DNAH10: variants seen among roughly 807,000 people sequenced by gnomAD.
The protein encoded by DNAH10 is axonemal beta dynein heavy chain 10.
A neutral mutation model predicts 506.6 loss-of-function variants in DNAH10; 348 were observed. That is an observed-to-expected ratio of 0.69 (90% CI 0.63 to 0.75). The LOEUF (loss-of-function observed/expected upper bound fraction) is 0.75. Among genes scored for constraint, DNAH10 ranks in the 30% least tolerant of loss-of-function variants. The pLI is 0.00. For synonymous variants in DNAH10, 2,059 were observed against 2,198.6 expected, an observed-to-expected ratio of 0.94 and a Z score of 1.78; for missense variants, 5,179 against 5,787.1, an observed-to-expected ratio of 0.89 and a Z score of 3.41.
chr12:123,931,773 G>A lies in DNAH10; in HGVS notation c.13054G>A (p.Val4352Met), dbSNP rs1379513520. Residue 4352 changes from valine to methionine, a missense_variant, in exon 75 of 79, where the codon GTG becomes ATG. Physicochemically the swap from Val to Met is conservative, Grantham distance 21. Around this residue, in one of 3 missense-constraint regions of DNAH10, gnomAD observed 4,844 missense variants for 5,430.5 expected, o/e 0.89. Transcript: ENST00000673944. ...LGTGLSPTSVVLLQELERFNK... is the reference protein window; with the variant it reads ...LGTGLSPTSVMLLQELERFNK... ...AACAGGACTCTCCCCCACTTCGGTG[G>A]TGCTCCTGCAGGAACTGGAACGCTT... 6.2e-7 allele frequency: 1 copy of A among 1,614,040 alleles called. No homozygotes were observed.
At position 123,918,910 on chromosome 12, in the gene DNAH10, G is replaced by A. The variant is rs750844427; in HGVS notation, c.11467G>A (p.Asp3823Asn). ...CATGAAACGCCTGAGGAACATCATG[G>A]ACACGCTGACCTTCAGCATCTATAA... is the stretch of plus-strand genomic sequence containing the variant. The part of the protein sequence containing the change: ...ILMKRLRNIM[D>N]TLTFSIYNHG... Residue 3823 changes from aspartate to asparagine, a missense_variant, in exon 65 of 79, where the codon GAC becomes AAC. Asp to Asn is a conservative substitution (Grantham distance 23). Around this residue, in one of 3 missense-constraint regions of DNAH10, gnomAD observed 4,844 missense variants for 5,430.5 expected, o/e 0.89. Transcript: ENST00000673944. The A allele has an allele frequency of 6.2e-7, 1 of 1,613,704 alleles. No homozygotes were observed. The highest frequency in any genetic ancestry group is 8.5e-7 in the Non-Finnish European group (1 of 1,179,800).
At chr12:123,781,403 G>A (rs1957644154) in intron 6 of DNAH10, 104 bp downstream of exon 6, 7 of 1,140,860 alleles carry the variant, frequency 6.1e-6, no homozygotes, top group Non-Finnish European at 7.5e-6. Flanking sequence ...GAACATTTTT[G>A]TTTGTTTGTT....
rs1167607842 is a variant in DNAH10 at position 123,846,474 on chromosome 12, T to C, written c.5814+320T>C. Among the ~76,000 whole-genome samples, 1 of 152,170 alleles carries C rather than the reference T, an allele frequency of 6.6e-6. No homozygotes were observed. The highest frequency in any genetic ancestry group is 1.9e-4 in the East Asian group (1 of 5,188). On this transcript the variant is annotated intron_variant, in intron 32 of 78. Coordinates refer to ENST00000673944, the MANE Select transcript of DNAH10 (RefSeq NM_001372106.1). This position sits in a 1 kb window ranked among gnomAD's most constrained non-coding sequence, Gnocchi z 4.5. Reference sequence around the variant, plus strand: ...GTGTGATGTGGTTTTGCACGTCTTGTGACAGCTTTTATTCCAGAATATATC... The same window carrying C: ...GTGTGATGTGGTTTTGCACGTCTTGCGACAGCTTTTATTCCAGAATATATC...
intron 50 of DNAH10, among the ~76,000 whole-genome samples, 154 bp from the exon 51 acceptor site, chr12:123,881,471 A>G (rs145483856): frequency 0.013 from 1,940 of 152,204 alleles, 19 homozygotes; most frequent in Admixed American, 0.022. Flanking sequence ...GTCTGTTCGT[A>G]TCCTTCGCCC....
In DNAH10 at chr12:123,878,007, G is replaced by A. The variant is rs1952336371; in HGVS notation, c.8372+99G>A. ...TTATCAGTGGATTTGATGAATCGTT[G>A]TATGAATTAATTACCCAATGTCTTT... On this transcript the variant is annotated intron_variant, in intron 48 of 78. Transcript: ENST00000673944. The A allele has an allele frequency of 2.9e-6, 4 of 1,401,362 alleles. No homozygotes were observed. The African/African-American group carries it at 4.3e-5, about 15-fold the overall frequency. The allele number at this position is 1,401,362 out of a possible 1,614,324, so 86.8% of individuals were successfully genotyped here.
At chr12:123,814,724 C>T (rs1455320595) in intron 21 of DNAH10, among the ~76,000 whole-genome samples, 1 of 151,350 alleles carries the variant, frequency 6.6e-6, no homozygotes, top group Non-Finnish European at 1.5e-5. Flanking sequence ...ACGCCATTCT[C>T]CTGCCTCAGC....
In DNAH10 at chr12:123,904,421, A is replaced by G. The variant is rs532749805; in HGVS notation, c.9815+1308A>G. 3.9e-5 allele frequency among the ~76,000 whole-genome samples: 6 copies of G among 152,302 alleles called. No individual in the cohort carries two copies. In the East Asian group the frequency reaches 7.7e-4, roughly 20 times the overall value. ...GGGCCACTGCTCCCAGGTCAGCAGC[A>G]TAAAAACATCGTGAAAGCAGAGACT... On this transcript the variant is annotated intron_variant, in intron 57 of 78. Coordinates refer to ENST00000673944, the MANE Select transcript of DNAH10 (RefSeq NM_001372106.1).
intron 16 of DNAH10, 89 bp from the exon 17 acceptor site, chr12:123,803,572 T>A (rs113574689): frequency 1.6e-6 from 2 of 1,276,212 alleles, no homozygotes. Context: ...TGCAAAGGGA[T>A]GCCAGTATTA....
In DNAH10 at chr12:123,896,144, C is replaced by G. The variant is rs867776307; in HGVS notation, c.9280+1421C>G. On this transcript the variant is annotated intron_variant, in intron 54 of 78. Coordinates refer to ENST00000673944, the MANE Select transcript of DNAH10 (RefSeq NM_001372106.1). The stretch of plus-strand genomic sequence containing the variant: ...ACACACACACACACACACACACACA[C>G]ACACAGAGAGAGAGAGAGAGAGAGA... Among the ~76,000 whole-genome samples, 713 of 110,344 alleles carry G rather than the reference C, an allele frequency of 6.5e-3. 5 individuals carry two copies. The highest frequency in any genetic ancestry group is 0.033 in the African/African-American group (660 of 20,230). The allele number at this position is 110,344 out of a possible 152,430, so 72.4% of individuals were successfully genotyped here.
rs1232802772 is a variant in DNAH10, at chr12:123,903,313, C to T, written c.9815+200C>T. ...GGCCCAGGGAGATGAGGTGGGCGCC[C>T]CAGGCATCCAGATCCCCCAGCTAGT... is the stretch of plus-strand genomic sequence containing the variant. On this transcript the variant is annotated intron_variant, in intron 57 of 78. Coordinates refer to ENST00000673944, the MANE Select transcript of DNAH10 (RefSeq NM_001372106.1). The surrounding 1 kb of genome is among the most constrained non-coding windows in gnomAD (Gnocchi z 4.6). 6.6e-6 allele frequency among the ~76,000 whole-genome samples: 1 copy of T among 152,100 alleles called. No individual in the cohort carries two copies. Among genetic ancestry groups the T allele is most frequent in the Non-Finnish European group, 1.5e-5 (1 of 68,024 alleles).
At chr12:123,827,365 T>C (rs1315112281) in intron 25 of DNAH10, among the ~76,000 whole-genome samples, 2 of 152,256 alleles carry the variant, frequency 1.3e-5, no homozygotes, top group African/African-American at 4.8e-5. Flanking sequence ...ATTCATGAGA[T>C]ATTTTACATT....
At position 123,924,932 on chromosome 12, in the gene DNAH10, A is replaced by G. The variant is rs917811011; in HGVS notation, c.11767-118A>G. ...TGACAGATCTGACCAGGTGGCCTTCAGTTAGTACACCTATGGATTCTCGTC... is the reference window on the plus strand; with the variant it reads ...TGACAGATCTGACCAGGTGGCCTTCGGTTAGTACACCTATGGATTCTCGTC... On this transcript the variant is annotated intron_variant, in intron 67 of 78. Coordinates refer to ENST00000673944, the MANE Select transcript of DNAH10 (RefSeq NM_001372106.1). 3.7e-6 allele frequency: 5 copies of G among 1,363,734 alleles called. No individual in the cohort carries two copies. The African/African-American group carries it at 7.3e-5, about 20-fold the overall frequency. 84.5% of individuals were successfully genotyped at this position (1,363,734 alleles called of 1,614,324 possible).
intron 13 of DNAH10, among the ~76,000 whole-genome samples, chr12:123,797,106 C>T (rs1958307087): frequency 6.6e-6 from 1 of 152,164 alleles, no homozygotes; most frequent in Admixed American, 6.5e-5. Context: ...TTCCTGACCT[C>T]GTGATCTGCC....
At chr12:123,873,776 G>T in intron 46 of DNAH10, 66 bp downstream of exon 46, 2 of 1,509,776 alleles carry the variant, frequency 1.3e-6, no homozygotes, top group African/African-American at 2.8e-5. Context: ...ATGGGTGTGT[G>T]TGTGTGTTAG....
Position 123,845,090 on chromosome 12 carries a change from G to A in DNAH10, c.5361-510G>A, listed in dbSNP as rs529598735. ...ACAGTGCACAATTGTAGTTGGCTGC[G>A]GCCTCCAACTCCTGGGCTCCAGCGC... is the stretch of plus-strand genomic sequence containing the variant. On this transcript the variant is annotated intron_variant, in intron 30 of 78. Transcript: ENST00000673944. 3.6e-3 allele frequency among the ~76,000 whole-genome samples: 544 copies of A among 152,206 alleles called. 6 individuals carry two copies. Among genetic ancestry groups the A allele is most frequent in the African/African-American group, 0.012 (501 of 41,520 alleles).
chr12:123,805,472 C>T (rs1353070250), intron 18 of DNAH10, among the ~76,000 whole-genome samples: 1 of 152,322 alleles, frequency 6.6e-6, no homozygotes, highest in East Asian at 1.9e-4. Flanking sequence ...GCCTCTGACA[C>T]GCCAGACTCT....
chr12:123,896,148 C>CATAG (rs1383690518), intron 54 of DNAH10, among the ~76,000 whole-genome samples: 40 of 95,322 alleles, frequency 4.2e-4, no homozygotes, highest in Middle Eastern at 5.4e-3. Context: ...CACACACACA[C>CATAG]AGAGAGAGAG....
Position 123,873,709 on chromosome 12 carries a change from G to A in DNAH10, c.7937G>A (p.Arg2646Lys). Residue 2646 changes from arginine (R) to lysine (K), a missense_variant and splice_region_variant, in exon 46 of 79, where the codon AGG (arginine) becomes AAG (lysine). Transcript: ENST00000673944. ...LVFMDDMNMP[R>K]VDEYGTQQPI... The stretch of plus-strand genomic sequence containing the variant: ...TTCATGGATGACATGAATATGCCAA[G>A]GGTAGTTTGACGCTCAAGCAGGTGG... 1 of 1,606,264 alleles carries A rather than the reference G, an allele frequency of 6.2e-7. No individual in the cohort carries two copies. The highest frequency in any genetic ancestry group is 8.5e-7 in the Non-Finnish European group (1 of 1,176,218).
rs1406184419 is a variant in DNAH10 at position 123,793,913 on chromosome 12, T to C, written c.1816-29T>C. ...TTTTGGCAGGATAATTACAGGGGCA[T>C]GAGGGTTGTTTTGTTGATTTTTTTG... is the stretch of plus-strand genomic sequence containing the variant. On this transcript the variant is annotated intron_variant, in intron 11 of 78. Transcript: ENST00000673944. 4 of 1,179,680 alleles carry C rather than the reference T, an allele frequency of 3.4e-6. No individual in the cohort carries two copies. In the Admixed American group the frequency reaches 9.2e-5, roughly 27 times the overall value. 73.1% of individuals were successfully genotyped at this position (1,179,680 alleles called of 1,614,324 possible). A position where few individuals can be genotyped will look rare whatever the true frequency, so the allele number is the denominator to read the frequency against.
Sources: allele counts gnomAD v4.1 joint callset (sites outside exome capture counted in the v4.1 genomes callset), GRCh38; gene constraint gnomAD v4.1.1; regional missense constraint gnomAD v4.1.1; non-coding constraint Gnocchi (gnomAD v3.1); transcripts MANE v1.5; gene names NCBI Gene and HGNC (gene_info 2026-07-23, HGNC 2026-07-21).